Variants in TBC1D15 observed in about 807,000 individuals in gnomAD.
TBC1D15 encodes TBC1 domain family member 15.
A neutral mutation model predicts 95.4 loss-of-function variants in TBC1D15; 39 were observed. That is an observed-to-expected ratio of 0.41 (90% CI 0.32 to 0.53). The LOEUF (loss-of-function observed/expected upper bound fraction) is 0.53. Ranked by LOEUF, TBC1D15 falls within the 20% of genes least tolerant of loss-of-function variation. The pLI, the probability that TBC1D15 is intolerant of heterozygous loss-of-function variation, is 0.29. For missense variants in TBC1D15, 733 were observed against 794.3 expected (o/e 0.92, Z 0.93); for synonymous variants, 258 against 261.3 (o/e 0.99, Z 0.12).
chr12:71,841,175 C>T (rs1325804080), intron 1 of TBC1D15: 3 of 152,078 alleles, frequency 2.0e-5, no homozygotes, highest in Non-Finnish European at 2.9e-5. Flanking sequence ...CTAAACTGAT[C>T]CAGGCTGGGA....
At chr12:71,869,734 T>G (rs1892264185) in intron 1 of TBC1D15, among the ~76,000 whole-genome samples, 1 of 152,186 alleles carries the variant, frequency 6.6e-6, no homozygotes. Flanking sequence ...AAGGGATTTC[T>G]TTTCCATTTT....
chr12:71,865,099 G>A (rs1323217959), intron 1 of TBC1D15, among the ~76,000 whole-genome samples: 1 of 152,152 alleles, frequency 6.6e-6, no homozygotes, highest in Non-Finnish European at 1.5e-5. Context: ...AGCTGCAGTG[G>A]CACTGTATTC....
intron 5 of TBC1D15, among the ~76,000 whole-genome samples, chr12:71,890,857 A>G (rs1897092312): frequency 6.6e-6 from 1 of 152,260 alleles, no homozygotes; most frequent in Non-Finnish European, 1.5e-5. Flanking sequence ...AGAATCAGCT[A>G]CAAATACATT....
In TBC1D15 at chr12:71,889,992, G is replaced by A. The variant is rs563580150; in HGVS notation, c.555-3230G>A. ...ATGGTCTCATTCTTTTTATGGCTGC[G>A]TAGTATTCCATGGTGTATATATACC... On this transcript the variant is annotated intron_variant, in intron 5 of 16. Coordinates refer to ENST00000485960, the MANE Select transcript of TBC1D15 (RefSeq NM_001146213.3). Among the ~76,000 whole-genome samples, 7 of 152,234 alleles carry A rather than the reference G, an allele frequency of 4.6e-5. 1 individual carries two copies. Among genetic ancestry groups the A allele is most frequent in the Middle Eastern group, 6.8e-3 (2 of 294 alleles).
chr12:71,872,259 A>G, intron 2 of TBC1D15, 91 bp downstream of exon 2: 1 of 670,286 alleles, frequency 1.5e-6, no homozygotes, highest in Non-Finnish European at 2.4e-6. Flanking sequence ...TTTCATGTGT[A>G]AGATACAATT....
At chr12:71,896,158 G>GT (rs927731556) in intron 8 of TBC1D15, 83 bp downstream of exon 8, 3,001 of 930,978 alleles carry the variant, frequency 3.2e-3, no homozygotes, top group South Asian at 3.5e-3. Flanking sequence ...GTTTTGGTGT[G>GT]TTTTTTTTTG....
intron 3 of TBC1D15, among the ~76,000 whole-genome samples, chr12:71,874,723 A>G (rs988151178): frequency 6.7e-6 from 1 of 148,706 alleles, no homozygotes; most frequent in African/African-American, 2.5e-5. Context: ...CCCAGGTTCA[A>G]ACAATTCTCA....
intron 11 of TBC1D15, among the ~76,000 whole-genome samples, chr12:71,912,634 G>A (rs1207059172): frequency 2.0e-5 from 3 of 152,040 alleles, no homozygotes; most frequent in African/African-American, 7.2e-5. Context: ...GTGTAATTAT[G>A]TATCATTTAT....
At chr12:71,878,890 CAA>C (rs1894547632) in intron 3 of TBC1D15, among the ~76,000 whole-genome samples, 1 of 151,804 alleles carries the variant, frequency 6.6e-6, no homozygotes, top group Non-Finnish European at 1.5e-5. Context: ...GAAGAAAAAA[CAA>C]TCTATTTGAT....
rs200561703 is a variant in TBC1D15 at position 71,916,836 on chromosome 12, A to C, written c.1402-862A>C. 3.4e-4 allele frequency among the ~76,000 whole-genome samples: 52 copies of C among 152,296 alleles called. No homozygotes were observed. The East Asian group carries it at 9.7e-3, about 28-fold the overall frequency. ...AAGCATATGAACCCCAGCAGTTCCC[A>C]AACTTTGTGACCTCAGGGCCCCTTC... On this transcript the variant is annotated intron_variant, in intron 12 of 16. Transcript: ENST00000485960.
At chr12:71,884,779 A>G (rs1410819324) in intron 4 of TBC1D15, 32 bp from the exon 5 acceptor site, 2 of 1,610,292 alleles carry the variant, frequency 1.2e-6, no homozygotes, top group African/African-American at 1.3e-5. Context: ...AAGGTGAACA[A>G]AAATATTTTG....
At chr12:71,858,457 C>T (rs1437781076) in intron 1 of TBC1D15, among the ~76,000 whole-genome samples, 2 of 147,924 alleles carry the variant, frequency 1.4e-5, no homozygotes, top group Non-Finnish European at 3.0e-5. Context: ...CTGCAGTAAA[C>T]TTGGGAGTGC....
rs115353906 is a variant in TBC1D15, at chr12:71,887,299, C to G, written c.554+2278C>G. Among the ~76,000 whole-genome samples the G allele has an allele frequency of 8.1e-3, 1,058 of 131,308 alleles. 15 individuals carry two copies. Among genetic ancestry groups the G allele is most frequent in the African/African-American group, 0.03 (988 of 32,474 alleles). 86.1% of individuals were successfully genotyped at this position (131,308 alleles called of 152,430 possible). On this transcript the variant is annotated intron_variant, in intron 5 of 16. Coordinates refer to ENST00000485960, the MANE Select transcript of TBC1D15 (RefSeq NM_001146213.3). ...TGATTACAGAATAGAAAATACTATT[C>G]TGTATTGAAGAGATAACCAGTGTAA...
chr12:71,902,044 G>T (rs1299226885), intron 10 of TBC1D15, among the ~76,000 whole-genome samples: 4 of 152,108 alleles, frequency 2.6e-5, no homozygotes, highest in Non-Finnish European at 5.9e-5. Context: ...GGAGGTGAAA[G>T]AACTCTGCAA....
chr12:71,921,952 C>G (rs1869526695), intron 16 of TBC1D15, among the ~76,000 whole-genome samples: 1 of 152,194 alleles, frequency 6.6e-6, no homozygotes, highest in African/African-American at 2.4e-5. Flanking sequence ...TTAGCTTTTT[C>G]TTTCTATTAA....
chr12:71,847,045 A>T (rs1414200939), intron 1 of TBC1D15, among the ~76,000 whole-genome samples: 1 of 152,158 alleles, frequency 6.6e-6, no homozygotes, highest in Non-Finnish European at 1.5e-5. Context: ...CAGGTGAGGC[A>T]CTGTACCTGG....
chr12:71,887,610 CTCTT>C (rs1328520474), intron 5 of TBC1D15, among the ~76,000 whole-genome samples: 1 of 152,158 alleles, frequency 6.6e-6, no homozygotes, highest in Non-Finnish European at 1.5e-5. Flanking sequence ...ATATTTTCCT[CTCTT>C]TCTGATCCCT....
intron 5 of TBC1D15, among the ~76,000 whole-genome samples, chr12:71,887,522 A>G (rs1896468411): frequency 6.6e-6 from 1 of 152,124 alleles, no homozygotes; most frequent in Non-Finnish European, 1.5e-5. Flanking sequence ...ACTCATGCAG[A>G]TTTCTTTCAG....
intron 10 of TBC1D15, 104 bp from the exon 11 acceptor site, chr12:71,906,918 T>G (rs1017817594): frequency 1.8e-5 from 10 of 562,754 alleles, no homozygotes; most frequent in African/African-American, 3.8e-5. Context: ...GCTTGGTGAG[T>G]GAAATTAATA....
Sources: gnomAD v4.1 joint callset for allele counts (sites outside exome capture counted in the v4.1 genomes callset) on GRCh38, gnomAD v4.1.1 for gene constraint, MANE v1.5 for transcripts, NCBI Gene and HGNC (gene_info 2026-07-23, HGNC 2026-07-21) for gene names.